Variants in BMPR1B observed in about 807,000 individuals in gnomAD.
The protein encoded by BMPR1B is bone morphogenetic protein receptor type-1B.
In BMPR1B, 12 loss-of-function variants were observed where a neutral mutation model predicts 59.1. The observed-to-expected ratio is 0.20, with a 90% CI of 0.13 to 0.33. The LOEUF (loss-of-function observed/expected upper bound fraction) is 0.33. BMPR1B is among the 10% of genes least tolerant of loss of function. BMPR1B has a pLI of 1.00. For missense variants in BMPR1B, 550 were observed against 610.9 expected, an observed-to-expected ratio of 0.90 and a Z score of 1.05; for synonymous variants, 237 against 207.3, an observed-to-expected ratio of 1.14 and a Z score of -1.23.
intron 2 of BMPR1B, among the ~76,000 whole-genome samples, chr4:94,918,417 C>T (rs1321615507): frequency 3.3e-5 from 5 of 152,116 alleles, no homozygotes; most frequent in African/African-American, 1.2e-4. Context: ...TGACTCATGC[C>T]TGTAGTCTCA....
intron 2 of BMPR1B, among the ~76,000 whole-genome samples, chr4:94,916,901 G>T (rs1015988447): frequency 2.0e-5 from 3 of 152,202 alleles, no homozygotes; most frequent in Non-Finnish European, 4.4e-5. Flanking sequence ...CGTGGGACAG[G>T]CCCAGGGACC....
chr4:95,019,026 G>GT (rs946708428), intron 3 of BMPR1B, among the ~76,000 whole-genome samples: 7 of 151,112 alleles, frequency 4.6e-5, no homozygotes, highest in African/African-American at 9.7e-5. Flanking sequence ...ACTTTCAACA[G>GT]TTTTTTTTTC....
chr4:94,776,385 C>T (rs941013671), intron 1 of BMPR1B, among the ~76,000 whole-genome samples: 2 of 152,146 alleles, frequency 1.3e-5, no homozygotes, highest in Admixed American at 6.5e-5. Flanking sequence ...TCTTGATTGG[C>T]GACCATTGTG....
At chr4:95,097,038 G>T (rs1730467857) in intron 3 of BMPR1B, among the ~76,000 whole-genome samples, 1 of 142,990 alleles carries the variant, frequency 7.0e-6, no homozygotes, top group African/African-American at 2.6e-5. Flanking sequence ...ATATAATATA[G>T]TTATATACAT....
chr4:94,798,992 C>T (rs1416805470), intron 1 of BMPR1B, among the ~76,000 whole-genome samples: 4 of 151,680 alleles, frequency 2.6e-5, no homozygotes, highest in African/African-American at 9.7e-5. Flanking sequence ...AGCGTGGTTG[C>T]TAACCCAAAC....
At chr4:95,082,809 C>T (rs567534922) in intron 3 of BMPR1B, among the ~76,000 whole-genome samples, 46 of 151,950 alleles carry the variant, frequency 3.0e-4, no homozygotes, top group African/African-American at 7.5e-4. Context: ...GAGGCCGAGG[C>T]GGGCGGATCA....
At chr4:94,943,151 T>TA (rs958650546) in intron 2 of BMPR1B, among the ~76,000 whole-genome samples, 7 of 152,090 alleles carry the variant, frequency 4.6e-5, no homozygotes, top group African/African-American at 1.7e-4. Context: ...CTATTTTTTT[T>TA]TTTTTTTGAG....
At chr4:94,913,168 T>G (rs186286829) in intron 2 of BMPR1B, among the ~76,000 whole-genome samples, 1 of 152,156 alleles carries the variant, frequency 6.6e-6, no homozygotes, top group Non-Finnish European at 1.5e-5. Flanking sequence ...ATGAAATAAT[T>G]TTCAAGTGGG....
chr4:95,144,213 T>C (rs1166748165), intron 10 of BMPR1B, among the ~76,000 whole-genome samples: 2 of 152,166 alleles, frequency 1.3e-5, no homozygotes, highest in Non-Finnish European at 2.9e-5. Context: ...CTCCCTCTGT[T>C]GCCCAGGCTA....
intron 1 of BMPR1B, among the ~76,000 whole-genome samples, chr4:94,767,608 C>T (rs1722018720): frequency 1.3e-5 from 2 of 152,274 alleles, no homozygotes; most frequent in South Asian, 2.1e-4. Flanking sequence ...TTTAAACCCT[C>T]TCTGAAGAGA....
intron 2 of BMPR1B, among the ~76,000 whole-genome samples, chr4:94,951,365 A>G (rs953548287): frequency 5.3e-5 from 8 of 152,198 alleles, no homozygotes; most frequent in African/African-American, 9.6e-5. Context: ...TTCAAAAGGA[A>G]TGCTTCCAGC....
Position 94,781,435 on chromosome 4 carries a change from C to T in BMPR1B, c.-183+23367C>T, listed in dbSNP as rs538141310. Reference sequence around the variant, plus strand: ...ATTTTTTATTTTTATTTTTTTGAGACGAAGTCTTGCTCTGTCACCCAGGCC... The same window carrying T: ...ATTTTTTATTTTTATTTTTTTGAGATGAAGTCTTGCTCTGTCACCCAGGCC... On this transcript the variant is annotated intron_variant, in intron 1 of 12. Coordinates refer to ENST00000515059, the MANE Select transcript of BMPR1B (RefSeq NM_001203.3). 2.2e-4 allele frequency among the ~76,000 whole-genome samples: 33 copies of T among 152,028 alleles called. No homozygotes were observed. In the South Asian group the frequency reaches 2.7e-3, roughly 12 times the overall value.
At chr4:94,848,437 C>T (rs1725427590) in intron 1 of BMPR1B, among the ~76,000 whole-genome samples, 1 of 152,088 alleles carries the variant, frequency 6.6e-6, no homozygotes, top group Non-Finnish European at 1.5e-5. Context: ...TGGTGAACAG[C>T]AAGTGCAGAT....
intron 1 of BMPR1B, among the ~76,000 whole-genome samples, chr4:94,867,218 G>A (rs1197442187): frequency 6.6e-6 from 1 of 152,010 alleles, no homozygotes; most frequent in Non-Finnish European, 1.5e-5. Flanking sequence ...TCTCAAGCAT[G>A]CCTCCAGAAG....
At chr4:95,050,014 C>G (rs1726364291) in intron 3 of BMPR1B, among the ~76,000 whole-genome samples, 2 of 152,006 alleles carry the variant, frequency 1.3e-5, no homozygotes, top group Admixed American at 1.3e-4. Context: ...GCAGTGGGAG[C>G]TGTCCCACAT....
chr4:94,814,968 A>G (rs1444583566), intron 1 of BMPR1B, among the ~76,000 whole-genome samples: 4 of 151,920 alleles, frequency 2.6e-5, no homozygotes, highest in Non-Finnish European at 5.9e-5. Flanking sequence ...CAATGGCGCC[A>G]TCTTGGCTCA....
chr4:94,824,064 A>G (rs1015554852), intron 1 of BMPR1B, among the ~76,000 whole-genome samples: 1 of 152,206 alleles, frequency 6.6e-6, no homozygotes, highest in Non-Finnish European at 1.5e-5. Flanking sequence ...TTTAGTTTTT[A>G]GAGTTTAAAG....
Position 94,800,969 on chromosome 4 carries a change from A to G in BMPR1B, c.-183+42901A>G, listed in dbSNP as rs1306338782. Among the ~76,000 whole-genome samples the G allele has an allele frequency of 2.6e-5, 4 of 152,178 alleles. No individual in the cohort carries two copies. In the East Asian group the frequency reaches 7.7e-4, roughly 29 times the overall value. Reference sequence around the variant, plus strand: ...GAAAAGAAGAGATGGGTATAGGTAGATTAGTCAGAGGAGGATTACAGGATA... The same window carrying G: ...GAAAAGAAGAGATGGGTATAGGTAGGTTAGTCAGAGGAGGATTACAGGATA... On this transcript the variant is annotated intron_variant, in intron 1 of 12. Coordinates refer to ENST00000515059, the MANE Select transcript of BMPR1B (RefSeq NM_001203.3).
At chr4:94,758,215 C>G (rs1721602129) in intron 1 of BMPR1B, 147 bp downstream of exon 1, 1 of 150,888 alleles carries the variant, frequency 6.6e-6, no homozygotes, top group Admixed American at 6.6e-5. Flanking sequence ...GGCGGTCGCC[C>G]TAGGCAGGAC....
Sources: allele counts gnomAD v4.1 joint callset (sites outside exome capture counted in the v4.1 genomes callset), GRCh38; gene constraint gnomAD v4.1.1; transcripts MANE v1.5; gene names NCBI Gene and HGNC (gene_info 2026-07-23, HGNC 2026-07-21).